MCTP1: variants seen among roughly 807,000 people sequenced by gnomAD.
MCTP1 encodes the protein multiple C2 and transmembrane domain containing 1.
Under a neutral mutation model 120.6 loss-of-function variants are expected in MCTP1, and 69 were observed. That is an observed-to-expected ratio of 0.57 (90% CI 0.47 to 0.70). The LOEUF is 0.70. Ranked by LOEUF, MCTP1 falls within the 30% of genes least tolerant of loss-of-function variation. The pLI is 0.00. For synonymous variants in MCTP1, 529 were observed against 493.1 expected, an observed-to-expected ratio of 1.07 and a Z score of -0.96; for missense variants, 1,203 against 1,248.8, an observed-to-expected ratio of 0.96 and a Z score of 0.55.
chr5:95,246,005 A>AG (rs1756735502), intron 1 of MCTP1, among the ~76,000 whole-genome samples: 1 of 152,004 alleles, frequency 6.6e-6, no homozygotes, highest in Admixed American at 6.6e-5. Context: ...TACAAGCCAG[A>AG]AGAGTGGGAG....
intron 1 of MCTP1, among the ~76,000 whole-genome samples, chr5:95,037,313 G>T (rs557803275): frequency 2.0e-5 from 3 of 152,084 alleles, no homozygotes; most frequent in Admixed American, 2.0e-4. Context: ...GGAGTATTTC[G>T]AATGATGTGG....
At chr5:94,999,186 T>C (rs775348189) in intron 2 of MCTP1, among the ~76,000 whole-genome samples, 4 of 152,142 alleles carry the variant, frequency 2.6e-5, no homozygotes, top group African/African-American at 7.2e-5. Context: ...GCAAAATACA[T>C]AAAAATCCAG....
At chr5:94,817,556 A>T (rs1784731159) in intron 17 of MCTP1, among the ~76,000 whole-genome samples, 1 of 152,212 alleles carries the variant, frequency 6.6e-6, no homozygotes, top group South Asian at 2.1e-4. Flanking sequence ...TGATTACTAT[A>T]AAAAGTACAG....
chr5:94,963,498 A>T, intron 2 of MCTP1, among the ~76,000 whole-genome samples: 1 of 147,822 alleles, frequency 6.8e-6, no homozygotes. Context: ...AATAATAGCC[A>T]CCCTAACAGG....
At chr5:95,098,422 C>T (rs950571102) in intron 1 of MCTP1, among the ~76,000 whole-genome samples, 1 of 152,060 alleles carries the variant, frequency 6.6e-6, no homozygotes, top group South Asian at 2.1e-4. Flanking sequence ...TTAATTTTTA[C>T]ACAACTTATC....
At chr5:94,733,686 C>T (rs72773594) in intron 19 of MCTP1, among the ~76,000 whole-genome samples, 8,601 of 152,150 alleles carry the variant, frequency 0.057, 364 homozygotes, top group East Asian at 0.17. Flanking sequence ...TCAGTATGGC[C>T]GGGCACCAGT....
At position 94,714,859 on chromosome 5, in the gene MCTP1, TATTTATAA is replaced by T; in HGVS notation, c.2630_2637del (p.Phe877Ter). ...CATACCTCCTGGATGGCATAGATTTTATTTATAAATCCCTTTTTTTCACTGTCCTAAAA... is the reference window on the plus strand; with the variant it reads ...CATACCTCCTGGATGGCATAGATTTTATCCCTTTTTTTCACTGTCCTAAAA... On this transcript the variant is annotated frameshift_variant, in exon 20 of 23. Coordinates refer to ENST00000515393, the MANE Select transcript of MCTP1 (RefSeq NM_024717.7). LOFTEE classifies it high-confidence loss of function. 1 of 1,611,136 alleles carries T rather than the reference TATTTATAA, an allele frequency of 6.2e-7. No homozygotes were observed. The highest frequency in any genetic ancestry group is 8.5e-7 in the Non-Finnish European group (1 of 1,177,392).
chr5:94,824,790 A>C (rs905648816), intron 17 of MCTP1, among the ~76,000 whole-genome samples: 1 of 152,232 alleles, frequency 6.6e-6, no homozygotes. Flanking sequence ...CCAGGAATTT[A>C]TCCATTTCTT....
At chr5:95,000,516 C>G (rs1014615559) in intron 2 of MCTP1, among the ~76,000 whole-genome samples, 6 of 152,012 alleles carry the variant, frequency 3.9e-5, no homozygotes, top group African/African-American at 1.5e-4. Context: ...TGATTCTGAT[C>G]CTGTAGGCCT....
chr5:94,797,782 G>C (rs2153012514), intron 18 of MCTP1, among the ~76,000 whole-genome samples: 1 of 152,222 alleles, frequency 6.6e-6, no homozygotes. Context: ...TCTAGTAAGA[G>C]AGACAGAAAT....
At chr5:95,137,894 A>G (rs1239853821) in intron 1 of MCTP1, among the ~76,000 whole-genome samples, 1 of 152,190 alleles carries the variant, frequency 6.6e-6, no homozygotes, top group Non-Finnish European at 1.5e-5. Context: ...TGCAAGCAAC[A>G]TGTTCTTAGA....
chr5:94,736,221 G>T (rs1764200671), intron 19 of MCTP1, among the ~76,000 whole-genome samples: 1 of 152,220 alleles, frequency 6.6e-6, no homozygotes, highest in Non-Finnish European at 1.5e-5. Flanking sequence ...GGGTGCAGTG[G>T]CTCATGCCTG....
intron 1 of MCTP1, among the ~76,000 whole-genome samples, chr5:95,098,717 A>G (rs1756470736): frequency 6.6e-6 from 1 of 152,100 alleles, no homozygotes; most frequent in Non-Finnish European, 1.5e-5. Context: ...TATAGATTCA[A>G]TGCCATCCCC....
intron 1 of MCTP1, among the ~76,000 whole-genome samples, chr5:95,114,239 G>A (rs527272522): frequency 1.3e-5 from 2 of 152,326 alleles, no homozygotes; most frequent in Admixed American, 6.5e-5. Flanking sequence ...GAGAATCTCT[G>A]CTTGAGAAAT....
chr5:95,267,834 C>T (rs1759028738), intron 1 of MCTP1, among the ~76,000 whole-genome samples: 5 of 152,228 alleles, frequency 3.3e-5, no homozygotes, highest in Admixed American at 1.3e-4. Flanking sequence ...AGACCCATCT[C>T]CCCCAACACA....
intron 1 of MCTP1, among the ~76,000 whole-genome samples, chr5:95,245,713 C>T (rs970173386): frequency 1.3e-4 from 20 of 152,096 alleles, no homozygotes; most frequent in South Asian, 1.2e-3. Flanking sequence ...ATTGGTGTAC[C>T]GGAAAGTGAC....
At chr5:95,188,980 C>T (rs1749538589) in intron 1 of MCTP1, among the ~76,000 whole-genome samples, 1 of 152,074 alleles carries the variant, frequency 6.6e-6, no homozygotes, top group African/African-American at 2.4e-5. Context: ...CTTAAAATCA[C>T]ACGTGAATCT....
chr5:94,818,281 G>C (rs976971451), intron 17 of MCTP1, among the ~76,000 whole-genome samples: 1 of 152,136 alleles, frequency 6.6e-6, no homozygotes, highest in African/African-American at 2.4e-5. Context: ...ACATACAAAA[G>C]TAAGTAAAAA....
At chr5:94,960,958 A>C (rs1823985011) in intron 2 of MCTP1, among the ~76,000 whole-genome samples, 1 of 152,170 alleles carries the variant, frequency 6.6e-6, no homozygotes, top group African/African-American at 2.4e-5. Context: ...TTCTACTATA[A>C]AGACACATGC....
Sources: gnomAD v4.1 joint callset for allele counts (sites outside exome capture counted in the v4.1 genomes callset) on GRCh38, gnomAD v4.1.1 for gene constraint, MANE v1.5 for transcripts, NCBI Gene and HGNC (gene_info 2026-07-23, HGNC 2026-07-21) for gene names.